The following GRB14 variants were observed in gnomAD, a reference collection of about 807,000 sequenced individuals.
The protein encoded by GRB14 is growth factor receptor bound protein 14.
GRB14 carries 38 observed loss-of-function variants against 69.1 expected under a neutral mutation model. The ratio of observed to expected loss-of-function variants is 0.55; its 90% CI spans 0.42 to 0.72. The LOEUF is 0.72. Ranked by LOEUF, GRB14 falls within the 30% of genes least tolerant of loss-of-function variation. GRB14 has a pLI of 0.00. For missense variants in GRB14, 666 were observed against 666.1 expected (o/e 1.00, Z 0.00); for synonymous variants, 247 against 241.3 (o/e 1.02, Z -0.22).
intron 2 of GRB14, among the ~76,000 whole-genome samples, chr2:164,595,764 C>A (rs552890588): frequency 6.6e-6 from 1 of 152,218 alleles, no homozygotes; most frequent in East Asian, 1.9e-4. Context: ...TATGATCTGG[C>A]AGAACAGTTG....
At chr2:164,578,937 T>TA (rs1440243757) in intron 2 of GRB14, among the ~76,000 whole-genome samples, 3 of 152,104 alleles carry the variant, frequency 2.0e-5, no homozygotes, top group African/African-American at 7.2e-5. Flanking sequence ...CACATATGAA[T>TA]AAAATGTAAT....
chr2:164,595,268 G>A (rs895574136), intron 2 of GRB14, among the ~76,000 whole-genome samples: 1 of 152,154 alleles, frequency 6.6e-6, no homozygotes, highest in African/African-American at 2.4e-5. Context: ...CTGTGCCAAA[G>A]GCTCAGCGCT....
At chr2:164,564,415 CACTA>C (rs1309789506) in intron 2 of GRB14, among the ~76,000 whole-genome samples, 1 of 152,172 alleles carries the variant, frequency 6.6e-6, no homozygotes, top group African/African-American at 2.4e-5. Flanking sequence ...TTCTTTCCTC[CACTA>C]AATCACTTTT....
At chr2:164,563,932 A>G (rs1020044745) in intron 2 of GRB14, among the ~76,000 whole-genome samples, 3 of 152,260 alleles carry the variant, frequency 2.0e-5, no homozygotes, top group African/African-American at 7.2e-5. Flanking sequence ...GTCATATTGT[A>G]CACACCTATG....
chr2:164,539,148 T>C (rs897560142), intron 3 of GRB14, among the ~76,000 whole-genome samples: 9 of 152,214 alleles, frequency 5.9e-5, no homozygotes, highest in Non-Finnish European at 1.3e-4. Flanking sequence ...TGCACACTAG[T>C]AGTAGCTATC....
In GRB14 at chr2:164,557,192, A is replaced by G. The variant is rs559574079; in HGVS notation, c.325-9376T>C. 3.9e-5 allele frequency among the ~76,000 whole-genome samples: 6 copies of G among 152,318 alleles called. No individual in the cohort carries two copies. In the East Asian group the frequency reaches 1.2e-3, roughly 29 times the overall value. On this transcript the variant is annotated intron_variant, in intron 2 of 13. Transcript: ENST00000263915. The stretch of plus-strand genomic sequence containing the variant: ...AAGAAAGGAGTGAACAATACTCAGG[A>G]AAGAATAACCAGACCACACTAAATG...
At chr2:164,507,651 T>C (rs1205872987) in intron 8 of GRB14, among the ~76,000 whole-genome samples, 1 of 152,220 alleles carries the variant, frequency 6.6e-6, no homozygotes, top group Non-Finnish European at 1.5e-5. Context: ...CAATACTAAC[T>C]AATGTGGACG....
rs974316063 is a variant in GRB14 at position 164,494,977 on chromosome 2, G to C, written c.1383-453C>G. ...AATTTTTTTTTTTCTTTTGAAACAG[G>C]GTCTCGCTCTGTCACCCAGGCTGGA... On this transcript the variant is annotated intron_variant, in intron 12 of 13. Coordinates refer to ENST00000263915, the MANE Select transcript of GRB14 (RefSeq NM_004490.3). Among the ~76,000 whole-genome samples, 3 of 151,922 alleles carry C rather than the reference G, an allele frequency of 2.0e-5. No homozygotes were observed. In the East Asian group the frequency reaches 5.8e-4, roughly 29 times the overall value.
chr2:164,537,971 G>A (rs1327392148), intron 3 of GRB14, among the ~76,000 whole-genome samples: 1 of 151,420 alleles, frequency 6.6e-6, no homozygotes, highest in Non-Finnish European at 1.5e-5. Context: ...GTCAGCTCCA[G>A]AAGAGGAAAA....
At chr2:164,591,309 A>G (rs1365884378) in intron 2 of GRB14, among the ~76,000 whole-genome samples, 1 of 152,208 alleles carries the variant, frequency 6.6e-6, no homozygotes, top group Non-Finnish European at 1.5e-5. Flanking sequence ...TGACCAAAAC[A>G]TTACATTAAA....
intron 2 of GRB14, among the ~76,000 whole-genome samples, chr2:164,582,607 G>A (rs1689440982): frequency 6.6e-6 from 1 of 151,964 alleles, no homozygotes; most frequent in African/African-American, 2.4e-5. Context: ...TTTTAGTAGA[G>A]ACGGGGTTTC....
intron 2 of GRB14, among the ~76,000 whole-genome samples, chr2:164,570,112 A>G (rs972554458): frequency 6.6e-6 from 1 of 151,880 alleles, no homozygotes; most frequent in Non-Finnish European, 1.5e-5. Flanking sequence ...TGCCTCTACT[A>G]AAAATACAAA....
At chr2:164,508,966 T>G in intron 6 of GRB14, 114 bp from the exon 7 acceptor site, 4 of 508,606 alleles carry the variant, frequency 7.9e-6, no homozygotes, top group Middle Eastern at 1.1e-3. Context: ...AAGTTCAATA[T>G]GATGCCACAA....
intron 2 of GRB14, among the ~76,000 whole-genome samples, chr2:164,580,483 T>A (rs1266025340): frequency 2.0e-5 from 3 of 150,676 alleles, no homozygotes; most frequent in Non-Finnish European, 3.0e-5. Context: ...GGTGGGTGTA[T>A]AACTTGAGGT....
At chr2:164,588,852 C>A (rs914150197) in intron 2 of GRB14, among the ~76,000 whole-genome samples, 2 of 152,162 alleles carry the variant, frequency 1.3e-5, no homozygotes, top group Non-Finnish European at 2.9e-5. Context: ...GTTCTAAAAT[C>A]AATGCAATAG....
chr2:164,556,228 G>A (rs1057224568), intron 2 of GRB14, among the ~76,000 whole-genome samples: 1 of 152,072 alleles, frequency 6.6e-6, no homozygotes, highest in Non-Finnish European at 1.5e-5. Flanking sequence ...AACAGCTCAA[G>A]AATATCCACT....
chr2:164,528,548 T>G (rs1521521), intron 3 of GRB14, among the ~76,000 whole-genome samples: 119,524 of 151,962 alleles, frequency 0.79, 47,496 homozygotes, highest in African/African-American at 0.83. Context: ...AGAAGTTCAG[T>G]TAAGAGTGTT....
chr2:164,614,898 G>A (rs1261576588), intron 2 of GRB14, among the ~76,000 whole-genome samples: 1 of 152,076 alleles, frequency 6.6e-6, no homozygotes, highest in Non-Finnish European at 1.5e-5. Flanking sequence ...ACAGAGATCT[G>A]CTTATCCTTT....
At chr2:164,526,985 C>T in intron 4 of GRB14, 29 bp downstream of exon 4, 1 of 1,502,628 alleles carries the variant, frequency 6.7e-7, no homozygotes, top group African/African-American at 1.4e-5. Flanking sequence ...CATTTATTTT[C>T]CGTAACTATT....
Sources: allele counts gnomAD v4.1 joint callset (sites outside exome capture counted in the v4.1 genomes callset), GRCh38; gene constraint gnomAD v4.1.1; transcripts MANE v1.5; gene names NCBI Gene and HGNC (gene_info 2026-07-23, HGNC 2026-07-21).